The following C6orf89 variants were observed in gnomAD, a reference collection of about 807,000 sequenced individuals.
C6orf89 encodes bombesin receptor-activated protein C6orf89.
C6orf89 carries 29 observed loss-of-function variants against 40.7 expected under a neutral mutation model. The ratio of observed to expected loss-of-function variants is 0.71; its 90% CI spans 0.53 to 0.97. C6orf89 has a LOEUF of 0.97. Among genes scored for constraint, C6orf89 ranks in the 50% least tolerant of loss-of-function variants. The probability of loss-of-function intolerance (pLI) is 0.00; values close to 1 mark genes in which losing one functional copy is unlikely to be tolerated. For synonymous variants in C6orf89, 165 were observed against 152.2 expected (o/e 1.08, Z -0.62); for missense variants, 392 against 429.1 (o/e 0.91, Z 0.76).
intron 4 of C6orf89, among the ~76,000 whole-genome samples, chr6:36,910,728 A>G (rs922788677): frequency 7.2e-6 from 1 of 139,194 alleles, no homozygotes; most frequent in Non-Finnish European, 1.6e-5. Context: ...CCCTGTCTCT[A>G]AAAAAAAAAA....
In C6orf89 at chr6:36,902,387, A is replaced by G; in HGVS notation, c.356A>G (p.Asn119Ser). ...ATTGCCAAGAAGTACATGTCAGAAA[A>G]TAAGGGAGTTCCTCTGCATGGGGGT... ...LPIAKKYMSE[N>S]KGVPLHGGDE... The change falls in exon 4 of 9, where the codon AAT (asparagine) becomes AGT (serine). Residue 119 changes from asparagine (N) to serine (S), a missense_variant. Coordinates refer to ENST00000480824, the MANE Select transcript of C6orf89 (RefSeq NM_001286635.2). 1.2e-6 allele frequency: 2 copies of G among 1,614,232 alleles called. No homozygotes were observed. Among genetic ancestry groups the G allele is most frequent in the Non-Finnish European group, 1.7e-6 (2 of 1,180,042 alleles).
chr6:36,886,131 AC>A (rs1774976050), intron 1 of C6orf89, 103 bp downstream of exon 1: 3 of 1,020,500 alleles, frequency 2.9e-6, no homozygotes, highest in Non-Finnish European at 3.8e-6. Flanking sequence ...CGCCGCTGCT[AC>A]CACCCTCTAT....
intron 1 of C6orf89, chr6:36,872,072 C>T (rs533389568): frequency 2.2e-6 from 1 of 464,456 alleles, no homozygotes; most frequent in East Asian, 4.0e-5. Context: ...GTAAAACACG[C>T]AGGTGTTCTG....
Position 36,894,510 on chromosome 6 carries a change from T to C in C6orf89, c.-113T>C, listed in dbSNP as rs1166624116. ...CCCTTTACTCTATTTGCAGGAATCA[T>C]TGTAGTCAATCATTTTCCAGTTCTC... On this transcript the variant is annotated 5_prime_UTR_variant, in exon 2 of 9. Transcript: ENST00000480824. 3.0e-6 allele frequency: 3 copies of C among 984,950 alleles called. No homozygotes were observed. Among genetic ancestry groups the C allele is most frequent in the African/African-American group, 3.5e-5 (2 of 57,230 alleles). The allele number at this position is 984,950 out of a possible 1,614,324, so 61.0% of individuals were successfully genotyped here. A position where few individuals can be genotyped will look rare whatever the true frequency, so the allele number is the denominator to read the frequency against.
chr6:36,908,744 G>A (rs1442638783), intron 4 of C6orf89, among the ~76,000 whole-genome samples: 1 of 152,140 alleles, frequency 6.6e-6, no homozygotes, highest in African/African-American at 2.4e-5. Flanking sequence ...TCACAGTTGT[G>A]GAGTCTAGAA....
chr6:36,909,712 G>C (rs950624792), intron 4 of C6orf89, among the ~76,000 whole-genome samples: 1 of 151,610 alleles, frequency 6.6e-6, no homozygotes, highest in African/African-American at 2.4e-5. Flanking sequence ...AGCCCGGGGA[G>C]GTCAAGGCCA....
Position 36,928,449 on chromosome 6 carries a change from A to G in C6orf89, c.*5008A>G, listed in dbSNP as rs111527409. The G allele has an allele frequency of 7.2e-5, 11 of 152,444 alleles. No individual in the cohort carries two copies. Among genetic ancestry groups the G allele is most frequent in the African/African-American group, 2.4e-4 (10 of 41,432 alleles). 9.4% of individuals were successfully genotyped at this position (152,444 alleles called of 1,614,324 possible). A position where few individuals can be genotyped will look rare whatever the true frequency, so the allele number is the denominator to read the frequency against. On this transcript the variant is annotated 3_prime_UTR_variant, in exon 9 of 9. Transcript: ENST00000480824. ...GTAGCATCCCATTCTTCACACTGCA[A>G]CCCCCCAGCACTGTGGACCCTTCCA...
Position 36,923,442 on chromosome 6 carries a change from G to A in C6orf89, c.*1G>A. 6.2e-7 allele frequency: 1 copy of A among 1,610,798 alleles called. No individual in the cohort carries two copies. The highest frequency in any genetic ancestry group is 8.5e-7 in the Non-Finnish European group (1 of 1,176,942). On this transcript the variant is annotated 3_prime_UTR_variant, in exon 9 of 9. Transcript: ENST00000480824. ...TGGAACCGCTTTCTCAGAACTGTAGGAAATAGAACTGTGCACAGGAACAGC... is the reference window on the plus strand; with the variant it reads ...TGGAACCGCTTTCTCAGAACTGTAGAAAATAGAACTGTGCACAGGAACAGC...
intron 2 of C6orf89, among the ~76,000 whole-genome samples, chr6:36,898,037 G>A (rs1338989865): frequency 1.3e-5 from 2 of 152,110 alleles, no homozygotes; most frequent in African/African-American, 2.4e-5. Context: ...AAATATTATT[G>A]TTCTGTAACT....
chr6:36,907,678 A>G (rs1008087374), intron 4 of C6orf89, among the ~76,000 whole-genome samples: 2 of 152,064 alleles, frequency 1.3e-5, no homozygotes, highest in Non-Finnish European at 2.9e-5. Context: ...ACCTTTAAAA[A>G]ATGTTTAAAA....
chr6:36,921,621 G>A (rs976134246), intron 8 of C6orf89, among the ~76,000 whole-genome samples: 1 of 152,098 alleles, frequency 6.6e-6, no homozygotes, highest in East Asian at 1.9e-4. Context: ...CCCATAGTAC[G>A]CTAGAATAAA....
At chr6:36,875,073 A>G (rs1583126341) in intron 1 of C6orf89, 2 of 383,464 alleles carry the variant, frequency 5.2e-6, no homozygotes, top group Non-Finnish European at 9.5e-6. Flanking sequence ...GAAGGCGGGA[A>G]CAACCAGAAA....
chr6:36,877,637 T>C (rs1162084402), intron 1 of C6orf89, among the ~76,000 whole-genome samples: 1 of 152,194 alleles, frequency 6.6e-6, no homozygotes. Context: ...CCAGTGGCTG[T>C]AGCAATTTAT....
At chr6:36,907,261 T>C (rs934833682) in intron 4 of C6orf89, among the ~76,000 whole-genome samples, 2 of 151,656 alleles carry the variant, frequency 1.3e-5, no homozygotes, top group African/African-American at 4.9e-5. Flanking sequence ...GAGTTTTTTG[T>C]CCTGGAAAGA....
intron 1 of C6orf89, among the ~76,000 whole-genome samples, chr6:36,888,570 G>A (rs1052620020): frequency 2.6e-5 from 4 of 152,178 alleles, no homozygotes; most frequent in Non-Finnish European, 4.4e-5. Flanking sequence ...GGAGACAGAG[G>A]TTGCAGTGAG....
At chr6:36,916,886 A>G (rs1762342322) in intron 7 of C6orf89, among the ~76,000 whole-genome samples, 1 of 152,132 alleles carries the variant, frequency 6.6e-6, no homozygotes. Flanking sequence ...TGAGGGTGCA[A>G]TTAGTCTGGC....
At chr6:36,889,716 A>T (rs1278386860) in intron 1 of C6orf89, among the ~76,000 whole-genome samples, 4 of 152,220 alleles carry the variant, frequency 2.6e-5, no homozygotes, top group Admixed American at 6.5e-5. Flanking sequence ...TGATCTTTTT[A>T]AAAAAATTTG....
upstream of C6orf89, among the ~76,000 whole-genome samples, chr6:36,883,514 CTA>C (rs1774880267): frequency 6.6e-6 from 1 of 152,186 alleles, no homozygotes; most frequent in South Asian, 2.1e-4. Flanking sequence ...AAAAGTGGGT[CTA>C]TTATATGCAC....
At chr6:36,877,027 T>G (rs951368413) in intron 1 of C6orf89, among the ~76,000 whole-genome samples, 5 of 152,242 alleles carry the variant, frequency 3.3e-5, no homozygotes, top group African/African-American at 9.6e-5. Context: ...TTTTTGAATT[T>G]TATATAAATG....
Sources: allele counts gnomAD v4.1 joint callset (sites outside exome capture counted in the v4.1 genomes callset), GRCh38; gene constraint gnomAD v4.1.1; transcripts MANE v1.5; gene names NCBI Gene and HGNC (gene_info 2026-07-23, HGNC 2026-07-21).